The following GABRB1 variants were observed in gnomAD, a reference collection of about 807,000 sequenced individuals.
The protein encoded by GABRB1 is gamma-aminobutyric acid receptor subunit beta-1.
Under a neutral mutation model 51.6 loss-of-function variants are expected in GABRB1, and 17 were observed. That is an observed-to-expected ratio of 0.33 (90% CI 0.23 to 0.49). GABRB1 has a LOEUF of 0.49. Ranked by LOEUF, GABRB1 falls within the 20% of genes least tolerant of loss-of-function variation. The pLI is 0.99. For synonymous variants in GABRB1, 247 were observed against 218.9 expected (o/e 1.13, Z -1.14); for missense variants, 410 against 600.6 (o/e 0.68, Z 3.32).
chr4:47,104,964 A>G (rs1200402777), intron 3 of GABRB1, among the ~76,000 whole-genome samples: 3 of 151,856 alleles, frequency 2.0e-5, no homozygotes, highest in South Asian at 2.1e-4. Flanking sequence ...CAGCACATTT[A>G]TTTTGTTTTA....
chr4:47,173,944 C>G (rs73812888), intron 4 of GABRB1, among the ~76,000 whole-genome samples: 2,890 of 152,260 alleles, frequency 0.019, 109 homozygotes, highest in African/African-American at 0.065. Context: ...CTGATTTTGC[C>G]TAACCATGAA....
chr4:47,264,555 T>A (rs1327024140), intron 4 of GABRB1, among the ~76,000 whole-genome samples: 1 of 152,218 alleles, frequency 6.6e-6, no homozygotes, highest in Non-Finnish European at 1.5e-5. Flanking sequence ...GCTTCACAGT[T>A]AATAGCATAT....
chr4:47,339,773 A>T (rs187794405), intron 5 of GABRB1, among the ~76,000 whole-genome samples: 1 of 151,230 alleles, frequency 6.6e-6, no homozygotes, highest in East Asian at 2.0e-4. Flanking sequence ...CACTGTAGGA[A>T]ACTTTACCCT....
intron 4 of GABRB1, among the ~76,000 whole-genome samples, chr4:47,190,388 G>A (rs1010763501): frequency 6.6e-6 from 1 of 152,044 alleles, no homozygotes; most frequent in African/African-American, 2.4e-5. Context: ...AACAAGAGAA[G>A]CTTCACTATC....
chr4:47,174,453 T>C (rs1371246998), intron 4 of GABRB1, among the ~76,000 whole-genome samples: 1 of 152,134 alleles, frequency 6.6e-6, no homozygotes, highest in African/African-American at 2.4e-5. Context: ...TATAACTACT[T>C]CAACTCTTGT....
intron 5 of GABRB1, among the ~76,000 whole-genome samples, chr4:47,379,869 C>A (rs1727532658): frequency 6.6e-6 from 1 of 152,042 alleles, no homozygotes; most frequent in Non-Finnish European, 1.5e-5. Flanking sequence ...GGCTTGTGAC[C>A]ATGTCATTTA....
chr4:47,413,305 T>C (rs556990360), intron 8 of GABRB1, among the ~76,000 whole-genome samples: 2 of 152,350 alleles, frequency 1.3e-5, no homozygotes, highest in Admixed American at 1.3e-4. Flanking sequence ...AATACAGCAT[T>C]ACCATCTCAT....
chr4:47,135,660 C>G (rs532407242), intron 3 of GABRB1, among the ~76,000 whole-genome samples: 11 of 152,202 alleles, frequency 7.2e-5, no homozygotes, highest in Admixed American at 1.3e-4. Flanking sequence ...CATCAGTCAA[C>G]CAGAGGTCTC....
At position 47,356,743 on chromosome 4, in the gene GABRB1, G is replaced by A. The variant is rs553194533; in HGVS notation, c.544+36534G>A. On this transcript the variant is annotated intron_variant, in intron 5 of 8. Transcript: ENST00000295454. ...CTTTTATTCAGAAAGCTTCCATCCC[G>A]TAATGTTCATTGATAATGCCACCCA... 6.6e-4 allele frequency among the ~76,000 whole-genome samples: 101 copies of A among 152,152 alleles called. 1 individual carries two copies. The highest frequency in any genetic ancestry group is 2.1e-3 in the African/African-American group (89 of 41,522).
chr4:47,088,430 C>G (rs1206425925), intron 3 of GABRB1, among the ~76,000 whole-genome samples: 1 of 152,160 alleles, frequency 6.6e-6, no homozygotes, highest in Admixed American at 6.6e-5. Context: ...AATGAGAAAG[C>G]TAGCAAGATA....
chr4:47,337,808 T>TAAAAAAAAAAAAAAAAAAAAAAAAAAA (rs1170540924), intron 5 of GABRB1, among the ~76,000 whole-genome samples: 1 of 84,486 alleles, frequency 1.2e-5, no homozygotes, highest in Non-Finnish European at 2.2e-5. Context: ...AGACTCTGTC[T>TAAAAAAAAAAAAAAAAAAAAAAAAAAA]AAAAAAAAAA....
rs1413164316 is a variant in GABRB1 at position 47,052,333 on chromosome 4, CATT to C, written c.240+19850_240+19852del. On this transcript the variant is annotated intron_variant, in intron 3 of 8. Coordinates refer to ENST00000295454, the MANE Select transcript of GABRB1 (RefSeq NM_000812.4). Reference sequence around the variant, plus strand: ...AGAGAGCATGACAGCAAGGCATAATCATTGTTTTCTCTCCTGATTTCCTGTAGG... The same window carrying C: ...AGAGAGCATGACAGCAAGGCATAATCGTTTTCTCTCCTGATTTCCTGTAGG... Among the ~76,000 whole-genome samples the C allele has an allele frequency of 1.1e-4, 16 of 152,128 alleles. 1 individual carries two copies. Among genetic ancestry groups the C allele is most frequent in the Admixed American group, 9.8e-4 (15 of 15,262 alleles).
chr4:47,182,451 T>G lies in GABRB1; in HGVS notation c.461+20982T>G, dbSNP rs143978466. ...TCTCATGTTTACCAAGTGGTAGATCTTCCTTGATATTTAGAACAGAAGAGA... is the reference window on the plus strand; with the variant it reads ...TCTCATGTTTACCAAGTGGTAGATCGTCCTTGATATTTAGAACAGAAGAGA... On this transcript the variant is annotated intron_variant, in intron 4 of 8. Coordinates refer to ENST00000295454, the MANE Select transcript of GABRB1 (RefSeq NM_000812.4). 4.2e-3 allele frequency among the ~76,000 whole-genome samples: 641 copies of G among 152,104 alleles called. 1 individual carries two copies. The highest frequency in any genetic ancestry group is 0.015 in the African/African-American group (605 of 41,542).
chr4:47,253,100 G>A (rs1722055374), intron 4 of GABRB1, among the ~76,000 whole-genome samples: 1 of 152,160 alleles, frequency 6.6e-6, no homozygotes, highest in South Asian at 2.1e-4. Flanking sequence ...CCTGCCCAAT[G>A]TCACACCTCT....
chr4:47,047,783 A>T (rs1560510503), intron 3 of GABRB1, among the ~76,000 whole-genome samples: 1 of 152,148 alleles, frequency 6.6e-6, no homozygotes, highest in Non-Finnish European at 1.5e-5. Context: ...GATCTACTGT[A>T]TGTAAGGTAC....
chr4:47,353,556 A>G (rs940564186), intron 5 of GABRB1, among the ~76,000 whole-genome samples: 3 of 152,204 alleles, frequency 2.0e-5, no homozygotes, highest in Admixed American at 6.5e-5. Context: ...TATAATAGAA[A>G]GGACACCAGC....
intron 3 of GABRB1, among the ~76,000 whole-genome samples, chr4:47,072,864 A>C (rs1335036914): frequency 6.6e-6 from 1 of 152,178 alleles, no homozygotes; most frequent in Non-Finnish European, 1.5e-5. Context: ...GCAACACTTA[A>C]ATTAATGCTG....
At chr4:47,288,653 C>A (rs914650157) in intron 4 of GABRB1, among the ~76,000 whole-genome samples, 1 of 152,154 alleles carries the variant, frequency 6.6e-6, no homozygotes, top group Non-Finnish European at 1.5e-5. Context: ...TTTGGAGGCA[C>A]CTTGTGGTAA....
chr4:46,999,425 G>A (rs1015886836), intron 1 of GABRB1, among the ~76,000 whole-genome samples: 1 of 152,106 alleles, frequency 6.6e-6, no homozygotes, highest in East Asian at 1.9e-4. Flanking sequence ...TGTTCATGAG[G>A]AGACATCTAA....
Sources: allele counts gnomAD v4.1 joint callset (sites outside exome capture counted in the v4.1 genomes callset), GRCh38; gene constraint gnomAD v4.1.1; transcripts MANE v1.5; gene names NCBI Gene and HGNC (gene_info 2026-07-23, HGNC 2026-07-21).